Variants in TBC1D23 observed in about 807,000 individuals in gnomAD.
TBC1D23 encodes the protein TBC1 domain family member 23.
In TBC1D23, 55 loss-of-function variants were observed where a neutral mutation model predicts 91.4. That is an observed-to-expected ratio of 0.60 (90% CI 0.48 to 0.75). The LOEUF is 0.75. Among genes scored for constraint, TBC1D23 ranks in the 30% least tolerant of loss-of-function variants. TBC1D23 has a pLI of 0.00. For synonymous variants in TBC1D23, 289 were observed against 281.0 expected (o/e 1.03, Z -0.28); for missense variants, 725 against 836.1 (o/e 0.87, Z 1.64).
chr3:100,303,836 G>C (rs1326208798), intron 11 of TBC1D23, among the ~76,000 whole-genome samples: 1 of 152,010 alleles, frequency 6.6e-6, no homozygotes, highest in Non-Finnish European at 1.5e-5. Context: ...GCTGTCATAG[G>C]GCAAGAGTTT....
chr3:100,280,490 A>G (rs1196272442), intron 2 of TBC1D23, among the ~76,000 whole-genome samples: 1 of 152,200 alleles, frequency 6.6e-6, no homozygotes, highest in African/African-American at 2.4e-5. Flanking sequence ...AGAAATACAT[A>G]TATTTGTGGA....
intron 1 of TBC1D23, among the ~76,000 whole-genome samples, chr3:100,266,350 C>T (rs1029309638): frequency 6.6e-6 from 1 of 151,636 alleles, no homozygotes; most frequent in South Asian, 2.1e-4. Context: ...TTCACTGCAT[C>T]CTCCGCCTCC....
At chr3:100,314,642 G>A (rs1227856815) in intron 15 of TBC1D23, among the ~76,000 whole-genome samples, 2 of 152,102 alleles carry the variant, frequency 1.3e-5, no homozygotes, top group Admixed American at 6.5e-5. Context: ...GCACACCCCC[G>A]TGGTCCCACA....
At chr3:100,277,577 G>A (rs947234955) in intron 1 of TBC1D23, among the ~76,000 whole-genome samples, 4 of 152,208 alleles carry the variant, frequency 2.6e-5, no homozygotes, top group Non-Finnish European at 4.4e-5. Flanking sequence ...CTCTGGAATA[G>A]TAGGGGATTT....
intron 15 of TBC1D23, among the ~76,000 whole-genome samples, chr3:100,314,503 T>C (rs1286377540): frequency 1.3e-5 from 2 of 152,114 alleles, no homozygotes; most frequent in East Asian, 3.8e-4. Flanking sequence ...AGTGTGGTGG[T>C]TCACACCTGT....
chr3:100,292,288 C>G (rs2067798423), intron 5 of TBC1D23, among the ~76,000 whole-genome samples: 1 of 152,164 alleles, frequency 6.6e-6, no homozygotes, highest in African/African-American at 2.4e-5. Flanking sequence ...TGAGATCTTT[C>G]TAAAACAATG....
chr3:100,276,219 G>A (rs1294656001), intron 1 of TBC1D23, among the ~76,000 whole-genome samples: 1 of 151,866 alleles, frequency 6.6e-6, no homozygotes, highest in Non-Finnish European at 1.5e-5. Context: ...TTAGAACATG[G>A]TTGGGAGGAA....
At chr3:100,264,758 G>T (rs978702305) in intron 1 of TBC1D23, among the ~76,000 whole-genome samples, 5 of 152,180 alleles carry the variant, frequency 3.3e-5, no homozygotes, top group African/African-American at 1.2e-4. Context: ...GGCTCAGGAT[G>T]GACCTTGAAG....
chr3:100,271,999 T>C (rs2067603622), intron 1 of TBC1D23, among the ~76,000 whole-genome samples: 1 of 152,184 alleles, frequency 6.6e-6, no homozygotes, highest in Non-Finnish European at 1.5e-5. Flanking sequence ...TTCTAACGAA[T>C]CCATGCCACC....
Position 100,320,800 on chromosome 3 carries a change from A to G in TBC1D23, c.1847A>G (p.His616Arg). 1 of 1,595,122 alleles carries G rather than the reference A, an allele frequency of 6.3e-7. No individual in the cohort carries two copies. The highest frequency in any genetic ancestry group is 8.5e-7 in the Non-Finnish European group (1 of 1,173,394). ...AGTCATCTGTTGGTTACTGCAACAC[A>G]TATGTACTGTTTAAGGGAGATTGTT... The part of the protein sequence containing the change: ...FPSHLLVTAT[H>R]MYCLREIVSR... Residue 616 changes from histidine (H) to arginine (R), a missense_variant, in exon 18 of 19, where the codon CAT (histidine) becomes CGT (arginine). Physicochemically the swap from His to Arg is conservative, Grantham distance 29 (BLOSUM62 0). Transcript: ENST00000394144.
At position 100,297,695 on chromosome 3, in the gene TBC1D23, G is replaced by GT. The variant is rs3832200; in HGVS notation, c.877-218dup. On this transcript the variant is annotated intron_variant, in intron 8 of 18. Transcript: ENST00000394144. Reference sequence around the variant, plus strand: ...TATAGAAAATAGCTATTTAGAATGTGTTTTTTTTTTCTTAGTCTTTCATTT... The same window carrying GT: ...TATAGAAAATAGCTATTTAGAATGTGTTTTTTTTTTTCTTAGTCTTTCATTT... Among the ~76,000 whole-genome samples, 101,371 of 149,966 alleles carry GT rather than the reference G, an allele frequency of 0.68. 35,130 individuals are homozygous for GT. Among genetic ancestry groups the GT allele is most frequent in the East Asian group, 0.95 (4,895 of 5,138 alleles).
intron 1 of TBC1D23, among the ~76,000 whole-genome samples, chr3:100,272,728 G>C (rs535788509): frequency 3.2e-3 from 486 of 152,314 alleles, no homozygotes; most frequent in Non-Finnish European, 5.6e-3. Context: ...GATAATAGTG[G>C]AGAGAAGGTC....
At chr3:100,322,619 C>T (rs1705879961) in intron 18 of TBC1D23, among the ~76,000 whole-genome samples, 1 of 152,148 alleles carries the variant, frequency 6.6e-6, no homozygotes, top group Admixed American at 6.5e-5. Flanking sequence ...GAGGTATACA[C>T]ATTTTAATAT....
chr3:100,278,496 TGCCTTA>T (rs1193663468), intron 1 of TBC1D23, among the ~76,000 whole-genome samples: 1 of 152,000 alleles, frequency 6.6e-6, no homozygotes, highest in Non-Finnish European at 1.5e-5. Flanking sequence ...AGCAATTGTC[TGCCTTA>T]GCCTGCCAAG....
chr3:100,306,514 G>A lies in TBC1D23; in HGVS notation c.1384G>A (p.Gly462Ser). Residue 462 changes from glycine to serine, a missense_variant, in exon 13 of 19, where the codon GGC (glycine) becomes AGC (serine). Coordinates refer to ENST00000394144, the MANE Select transcript of TBC1D23 (RefSeq NM_001199198.3). ...TGGCCATTGGATTGCTAGTACCTCAGGCTCAAGGAGCAGTATCAATTCTGT... is the reference window on the plus strand; with the variant it reads ...TGGCCATTGGATTGCTAGTACCTCAAGCTCAAGGAGCAGTATCAATTCTGT... ...GYGHWIASTSGSRSSINSVDG... is the reference protein window; with the variant it reads ...GYGHWIASTSSSRSSINSVDG... 3 of 1,609,034 alleles carry A rather than the reference G, an allele frequency of 1.9e-6. No homozygotes were observed. The highest frequency in any genetic ancestry group is 2.6e-6 in the Non-Finnish European group (3 of 1,175,500).
intron 17 of TBC1D23, among the ~76,000 whole-genome samples, chr3:100,320,291 G>A (rs1705827653): frequency 6.6e-6 from 1 of 152,028 alleles, no homozygotes; most frequent in South Asian, 2.1e-4. Flanking sequence ...ACAGGGGTTG[G>A]GTGAGTGTTA....
chr3:100,282,941 GT>G (rs1175387067), intron 3 of TBC1D23, among the ~76,000 whole-genome samples: 1 of 152,188 alleles, frequency 6.6e-6, no homozygotes, highest in Non-Finnish European at 1.5e-5. Context: ...AAGTGCTAAT[GT>G]TTAGTAAATA....
intron 15 of TBC1D23, among the ~76,000 whole-genome samples, chr3:100,312,381 A>C (rs369011447): frequency 1.3e-5 from 2 of 152,196 alleles, no homozygotes; most frequent in African/African-American, 2.4e-5. Flanking sequence ...TTGAGTTAGC[A>C]TATATAAATC....
chr3:100,311,914 C>T, intron 15 of TBC1D23, 37 bp downstream of exon 15: 1 of 1,432,932 alleles, frequency 7.0e-7, no homozygotes. Flanking sequence ...TTGAACCATC[C>T]TTTTCCTTTA....
Sources: allele counts gnomAD v4.1 joint callset (sites outside exome capture counted in the v4.1 genomes callset), GRCh38; gene constraint gnomAD v4.1.1; transcripts MANE v1.5; gene names NCBI Gene and HGNC (gene_info 2026-07-23, HGNC 2026-07-21).